The following CDH18 variants were observed in gnomAD, a reference collection of about 807,000 sequenced individuals.
The protein encoded by CDH18 is cadherin-18.
Under a neutral mutation model 67.9 loss-of-function variants are expected in CDH18, and 31 were observed. That is an observed-to-expected ratio of 0.46 (90% CI 0.34 to 0.62). The LOEUF is 0.62. Ranked by LOEUF, CDH18 falls within the 20% of genes least tolerant of loss-of-function variation. The pLI, the probability that CDH18 is intolerant of heterozygous loss-of-function variation, is 0.01. For synonymous variants in CDH18, 362 were observed against 347.2 expected, an observed-to-expected ratio of 1.04 and a Z score of -0.48; for missense variants, 890 against 975.5, an observed-to-expected ratio of 0.91 and a Z score of 1.17.
intron 2 of CDH18, among the ~76,000 whole-genome samples, chr5:20,071,931 T>C (rs1743510924): frequency 7.1e-6 from 1 of 140,808 alleles, no homozygotes; most frequent in Non-Finnish European, 1.6e-5. Flanking sequence ...AGAGAAGCCA[T>C]TGTGTAACTT....
At chr5:19,585,309 T>C (rs1743979280) in intron 7 of CDH18, among the ~76,000 whole-genome samples, 2 of 152,320 alleles carry the variant, frequency 1.3e-5, no homozygotes, top group East Asian at 3.9e-4. Context: ...ATTACGTGTG[T>C]AATCAAACCA....
At position 20,042,940 on chromosome 5, in the gene CDH18, C is replaced by T. The variant is rs192350603; in HGVS notation, c.-517-50926G>A. Among the ~76,000 whole-genome samples, 290 of 151,712 alleles carry T rather than the reference C, an allele frequency of 1.9e-3. 2 individuals carry two copies. Among genetic ancestry groups the T allele is most frequent in the African/African-American group, 6.4e-3 (263 of 41,342 alleles). On this transcript the variant is annotated intron_variant, in intron 2 of 14. Transcript: ENST00000507958. ...TCGCGCCACTGCACTCCAGCCTGGG[C>T]GACAGAGCCAGACTCCGTCTCAAAA...
chr5:20,059,683 G>T (rs1426186555), intron 2 of CDH18, among the ~76,000 whole-genome samples: 1 of 152,118 alleles, frequency 6.6e-6, no homozygotes, highest in Non-Finnish European at 1.5e-5. Context: ...TTGCAGCACT[G>T]TTCACAATAG....
At chr5:20,182,267 T>C (rs1438617513) in intron 2 of CDH18, among the ~76,000 whole-genome samples, 1 of 152,042 alleles carries the variant, frequency 6.6e-6, no homozygotes, top group African/African-American at 2.4e-5. Flanking sequence ...ATTTATCATT[T>C]CCTCAGGTTG....
At chr5:19,537,166 T>C (rs1580079372) in intron 9 of CDH18, among the ~76,000 whole-genome samples, 2 of 152,058 alleles carry the variant, frequency 1.3e-5, no homozygotes, top group African/African-American at 4.8e-5. Flanking sequence ...ATTCAATCAG[T>C]TGAAGGCCTG....
In CDH18 at chr5:19,612,575, T is replaced by A; in HGVS notation, c.670A>T (p.Met224Leu). The stretch of plus-strand genomic sequence containing the variant: ...TAATGTTCTCTGGCTTCTCTGTCCA[T>A]GTTATGTAAGGCCGTTCTAATAACT... The part of the protein sequence containing the change: ...TGVIRTALHN[M>L]DREAREHYSV... The change falls in exon 6 of 13, where the codon ATG becomes TTG. Residue 224 changes from methionine to leucine, a missense_variant. Met to Leu is a conservative substitution (Grantham distance 15). Coordinates refer to ENST00000382275, the MANE Select transcript of CDH18 (RefSeq NM_004934.5). The A allele has an allele frequency of 6.2e-7, 1 of 1,613,862 alleles. No individual in the cohort carries two copies. The highest frequency in any genetic ancestry group is 8.5e-7 in the Non-Finnish European group (1 of 1,179,804).
intron 5 of CDH18, among the ~76,000 whole-genome samples, chr5:19,681,782 T>C (rs556875294): frequency 2.8e-4 from 42 of 151,984 alleles, no homozygotes; most frequent in Non-Finnish European, 5.4e-4. Flanking sequence ...TAACCTGTTA[T>C]AGAATATTCA....
intron 3 of CDH18, among the ~76,000 whole-genome samples, chr5:19,775,400 A>C (rs138302668): frequency 1.7e-3 from 264 of 152,296 alleles, no homozygotes; most frequent in African/African-American, 5.7e-3. Flanking sequence ...GCATAGAGGA[A>C]TCTGCTTCTG....
chr5:20,255,263 G>A (rs750298615), intron 2 of CDH18, among the ~76,000 whole-genome samples: 1 of 152,040 alleles, frequency 6.6e-6, no homozygotes, highest in Non-Finnish European at 1.5e-5. Flanking sequence ...CTTAAAGAGT[G>A]ATTTTAAAAC....
chr5:19,855,864 T>C (rs531214198), intron 2 of CDH18, among the ~76,000 whole-genome samples: 93 of 152,278 alleles, frequency 6.1e-4, no homozygotes, highest in Admixed American at 1.7e-3. Context: ...AAAAAGACTA[T>C]CTTTTTCAAA....
chr5:20,425,671 C>T (rs970743868), intron 1 of CDH18, among the ~76,000 whole-genome samples: 3 of 150,692 alleles, frequency 2.0e-5, no homozygotes, highest in South Asian at 4.1e-4. Flanking sequence ...GGAGATTGGG[C>T]GCAGAGCTGA....
At chr5:19,606,879 G>A (rs1318117504) in intron 6 of CDH18, among the ~76,000 whole-genome samples, 3 of 151,442 alleles carry the variant, frequency 2.0e-5, no homozygotes, top group African/African-American at 7.3e-5. Context: ...GTGCATTGTA[G>A]GTTAAATTTT....
At chr5:19,995,312 G>A (rs1735918869) in intron 2 of CDH18, among the ~76,000 whole-genome samples, 1 of 151,926 alleles carries the variant, frequency 6.6e-6, no homozygotes, top group Non-Finnish European at 1.5e-5. Context: ...AAACTATCAG[G>A]CATATAGTAA....
chr5:19,813,928 T>C (rs558705675), intron 3 of CDH18, among the ~76,000 whole-genome samples: 9 of 151,992 alleles, frequency 5.9e-5, no homozygotes, highest in Non-Finnish European at 1.3e-4. Flanking sequence ...GTTAAGTCTA[T>C]TGAGAACAAA....
intron 1 of CDH18, among the ~76,000 whole-genome samples, chr5:20,417,518 G>A (rs1747414347): frequency 1.3e-5 from 2 of 152,108 alleles, no homozygotes; most frequent in South Asian, 4.1e-4. Context: ...AGAAGGTATT[G>A]GGGAAGTAAA....
intron 2 of CDH18, among the ~76,000 whole-genome samples, chr5:19,839,824 C>T (rs538079502): frequency 6.6e-6 from 1 of 151,962 alleles, no homozygotes; most frequent in African/African-American, 2.4e-5. Context: ...ACAGACAAGG[C>T]AGATTTTCAA....
At chr5:19,948,885 G>T (rs1222045612) in intron 2 of CDH18, among the ~76,000 whole-genome samples, 2 of 152,128 alleles carry the variant, frequency 1.3e-5, no homozygotes, top group Non-Finnish European at 2.9e-5. Context: ...GTTTGCTCAA[G>T]AACTCAAGCA....
rs1250590779 is a variant in CDH18, at chr5:20,172,238, A to ACG, written c.-518+83205_-518+83206insCG. ...TATATATATATGTATATATATATAT[A>ACG]TGTATATATATATATATATCTCCTC... On this transcript the variant is annotated intron_variant, in intron 2 of 14. Transcript: ENST00000507958. Among the ~76,000 whole-genome samples, 467 of 118,924 alleles carry ACG rather than the reference A, an allele frequency of 3.9e-3. 17 individuals carry two copies. Among genetic ancestry groups the ACG allele is most frequent in the Non-Finnish European group, 5.6e-3 (338 of 60,458 alleles). The allele number at this position is 118,924 out of a possible 152,430, so 78.0% of individuals were successfully genotyped here. A position where few individuals can be genotyped will look rare whatever the true frequency, so the allele number is the denominator to read the frequency against.
At chr5:19,539,228 T>G (rs997895817) in intron 9 of CDH18, among the ~76,000 whole-genome samples, 2 of 152,208 alleles carry the variant, frequency 1.3e-5, no homozygotes, top group Non-Finnish European at 2.9e-5. Context: ...AAGGTTGTTT[T>G]ATTACCACCT....
Sources: allele counts gnomAD v4.1 joint callset (sites outside exome capture counted in the v4.1 genomes callset), GRCh38; gene constraint gnomAD v4.1.1; transcripts MANE v1.5; gene names NCBI Gene and HGNC (gene_info 2026-07-23, HGNC 2026-07-21).